The following ARHGAP5 variants were observed in gnomAD, a reference collection of about 807,000 sequenced individuals.
ARHGAP5 encodes the protein Rho GTPase activating protein 5.
Under a neutral mutation model 116.6 loss-of-function variants are expected in ARHGAP5, and 23 were observed. The observed-to-expected ratio is 0.20, with a 90% CI of 0.14 to 0.28. ARHGAP5 has a LOEUF of 0.28. Ranked by LOEUF, ARHGAP5 falls within the 10% of genes least tolerant of loss-of-function variation. The pLI is 1.00. For synonymous variants in ARHGAP5, 574 were observed against 602.0 expected (o/e 0.95, Z 0.68); for missense variants, 1,405 against 1,774.8 (o/e 0.79, Z 3.74).
chr14:32,100,558 G>C (rs1443589143), intron 2 of ARHGAP5, among the ~76,000 whole-genome samples: 1 of 152,084 alleles, frequency 6.6e-6, no homozygotes, highest in Non-Finnish European at 1.5e-5. Flanking sequence ...CACTGTTTTA[G>C]GTTATTATAA....
At chr14:32,105,981 A>G (rs1029551986) in intron 2 of ARHGAP5, among the ~76,000 whole-genome samples, 24 of 152,222 alleles carry the variant, frequency 1.6e-4, no homozygotes, top group Admixed American at 1.4e-3. Flanking sequence ...ATAATATTCC[A>G]TAATATGGAT....
intron 3 of ARHGAP5, among the ~76,000 whole-genome samples, chr14:32,139,176 G>A (rs1164215284): frequency 6.6e-6 from 1 of 152,010 alleles, no homozygotes; most frequent in Non-Finnish European, 1.5e-5. Context: ...AGGGATATTG[G>A]CCTATAGTTT....
intron 2 of ARHGAP5, among the ~76,000 whole-genome samples, chr14:32,097,598 T>C (rs1321773881): frequency 6.6e-6 from 1 of 152,224 alleles, no homozygotes; most frequent in Admixed American, 6.5e-5. Context: ...TATTCAGTGT[T>C]ATATGGAGAT....
At chr14:32,111,281 ACAGT>A (rs1175579209) in intron 2 of ARHGAP5, among the ~76,000 whole-genome samples, 3 of 152,310 alleles carry the variant, frequency 2.0e-5, no homozygotes, top group Middle Eastern at 6.8e-3. Context: ...GCAGCAAAAG[ACAGT>A]CAGAGACTGA....
intron 3 of ARHGAP5, among the ~76,000 whole-genome samples, chr14:32,132,345 G>A (rs1880548647): frequency 6.6e-6 from 1 of 152,184 alleles, no homozygotes; most frequent in African/African-American, 2.4e-5. Flanking sequence ...GTGATAGTGA[G>A]CATTTTTACA....
chr14:32,098,488 C>T (rs982359927), intron 2 of ARHGAP5, among the ~76,000 whole-genome samples: 2 of 152,142 alleles, frequency 1.3e-5, no homozygotes, highest in Admixed American at 6.5e-5. Context: ...ATATTTAATG[C>T]TGAATACATA....
chr14:32,116,984 C>A (rs948855038), intron 2 of ARHGAP5, among the ~76,000 whole-genome samples, 156 bp from the exon 3 acceptor site: 1 of 152,074 alleles, frequency 6.6e-6, no homozygotes, highest in African/African-American at 2.4e-5. Flanking sequence ...GTTGCTACTT[C>A]TGGCAAAATT....
In ARHGAP5 at chr14:32,091,915, A is replaced by G. The variant is rs757435488; in HGVS notation, c.1246A>G (p.Asn416Asp). 2 of 1,613,592 alleles carry G rather than the reference A, an allele frequency of 1.2e-6. No individual in the cohort carries two copies. Among genetic ancestry groups the G allele is most frequent in the African/African-American group, 1.3e-5 (1 of 74,910 alleles). ...TTTAGAAGCTGAAAAAGTCTATCAG[A>G]ACCATGTACAGCATCTGATATCCGA... ...STLEAEKVYQ[N>D]HVQHLISEKR... is the part of the protein sequence containing the mutation. The change falls in exon 2 of 7, where the codon AAC (asparagine) becomes GAC (aspartate). Residue 416 changes from asparagine to aspartate, a missense_variant. Asn to Asp is a conservative substitution (Grantham distance 23). Transcript: ENST00000345122.
rs1016928455 is a variant in ARHGAP5 at position 32,111,886 on chromosome 14, G to C, written c.3718-5254G>C. ...TTGACAGAGTCTCGCTCTGTTACTAGGCTGGAGTGCAGTGGCACGATCTCA... is the reference window on the plus strand; with the variant it reads ...TTGACAGAGTCTCGCTCTGTTACTACGCTGGAGTGCAGTGGCACGATCTCA... On this transcript the variant is annotated intron_variant, in intron 2 of 6. Coordinates refer to ENST00000345122, the MANE Select transcript of ARHGAP5 (RefSeq NM_001030055.2). Among the ~76,000 whole-genome samples, 7 of 134,734 alleles carry C rather than the reference G, an allele frequency of 5.2e-5. No individual in the cohort carries two copies. The Admixed American group carries it at 5.5e-4, about 11-fold the overall frequency. The allele number at this position is 134,734 out of a possible 152,430, so 88.4% of individuals were successfully genotyped here.
Position 32,154,861 on chromosome 14 carries a change from A to G in ARHGAP5, c.4422A>G (p.Glu1474=). The G allele has an allele frequency of 6.2e-7, 1 of 1,614,116 alleles. No homozygotes were observed. The highest frequency in any genetic ancestry group is 1.1e-5 in the South Asian group (1 of 91,082). ...PPPSNPGQLV[E]PMVPLQLPPP... ...CTTCAAACCCAGGACAGTTGGTGGA[A>G]CCAATGGTGCCACTTCAGTTGCCGC... The change falls in exon 7 of 7, where the codon GAA becomes GAG. Residue 1474 remains glutamate, a synonymous_variant. Transcript: ENST00000345122.
At chr14:32,121,769 C>A (rs1388466754) in intron 3 of ARHGAP5, among the ~76,000 whole-genome samples, 1 of 152,184 alleles carries the variant, frequency 6.6e-6, no homozygotes, top group African/African-American at 2.4e-5. Flanking sequence ...CACTCTCACC[C>A]CCCCATCAAC....
rs771660350 is a variant in ARHGAP5, at chr14:32,153,406, C to CAAAAAAAAAA, written c.4181+909_4181+918dup. On this transcript the variant is annotated intron_variant, in intron 6 of 6. Transcript: ENST00000345122. ...TGGCCAACAGAGCAAGACTCTGTCT[C>CAAAAAAAAAA]AAAAAAAAAAAAAAAAAAAAAAAAA... Among the ~76,000 whole-genome samples, 9 of 15,158 alleles carry CAAAAAAAAAA rather than the reference C, an allele frequency of 5.9e-4. 1 individual carries two copies. The highest frequency in any genetic ancestry group is 1.1e-3 in the Non-Finnish European group (8 of 6,960). The allele number at this position is 15,158 out of a possible 152,430, so 9.9% of individuals were successfully genotyped here. A position where few individuals can be genotyped will look rare whatever the true frequency, so the allele number is the denominator to read the frequency against.
Position 32,091,673 on chromosome 14 carries a change from G to C in ARHGAP5, c.1004G>C (p.Arg335Thr). The change falls in exon 2 of 7, where the codon AGA (arginine) becomes ACA (threonine). Residue 335 changes from arginine to threonine, a missense_variant. Arg to Thr is a moderately conservative substitution (Grantham distance 71). This residue lies in a region of ARHGAP5 where 944 missense variants were observed against 1,095.3 expected (regional missense o/e 0.86). Transcript: ENST00000345122. The stretch of plus-strand genomic sequence containing the variant: ...AAACAGGAACATATAAGAAAAAGGA[G>C]AGAAGAGTATATAAATACTTTACCA... The part of the protein sequence containing the change: ...QLKQEHIRKR[R>T]EEYINTLPRA... 6.2e-7 allele frequency: 1 copy of C among 1,609,372 alleles called. No individual in the cohort carries two copies.
intron 1 of ARHGAP5, among the ~76,000 whole-genome samples, chr14:32,085,274 CCT>C (rs1395714478): frequency 6.6e-6 from 1 of 151,788 alleles, no homozygotes; most frequent in East Asian, 1.9e-4. Context: ...AAGGAGAACC[CCT>C]CTCTACAAAA....
chr14:32,146,723 G>GT (rs1380757444), intron 4 of ARHGAP5, among the ~76,000 whole-genome samples: 1 of 152,168 alleles, frequency 6.6e-6, no homozygotes, highest in Non-Finnish European at 1.5e-5. Flanking sequence ...AATTTTTAAT[G>GT]TAAGTATGAA....
At position 32,094,346 on chromosome 14, in the gene ARHGAP5, A is replaced by G; in HGVS notation, c.3677A>G (p.Lys1226Arg). Residue 1226 changes from lysine to arginine, a missense_variant, in exon 2 of 7, where the codon AAG (lysine) becomes AGG (arginine). Coordinates refer to ENST00000345122, the MANE Select transcript of ARHGAP5 (RefSeq NM_001030055.2). ...ITSDQELDDK[K>R]MKKKTHKVKE... Reference sequence around the variant, plus strand: ...TCTGACCAGGAGTTAGATGATAAGAAGATGAAGAAGAAAACCCACAAAGTG... The same window carrying G: ...TCTGACCAGGAGTTAGATGATAAGAGGATGAAGAAGAAAACCCACAAAGTG... 6.3e-7 allele frequency: 1 copy of G among 1,588,034 alleles called. No individual in the cohort carries two copies. The highest frequency in any genetic ancestry group is 8.5e-7 in the Non-Finnish European group (1 of 1,173,048).
chr14:32,126,185 TTTA>T (rs1419336792), intron 3 of ARHGAP5, among the ~76,000 whole-genome samples: 1 of 152,076 alleles, frequency 6.6e-6, no homozygotes, highest in Non-Finnish European at 1.5e-5. Flanking sequence ...AGGGGAAGCT[TTTA>T]TTATTTCATC....
In ARHGAP5 at chr14:32,092,915, C is replaced by T; in HGVS notation, c.2246C>T (p.Ala749Val). Residue 749 changes from alanine to valine, a missense_variant, in exon 2 of 7, where the codon GCT (alanine) becomes GTT (valine). Transcript: ENST00000345122. The surrounding 1 kb of genome is among the most constrained non-coding windows in gnomAD (Gnocchi z 4.1). ...RKFNETQIKQ[A>V]LRGVLESVKH... ...TTTAATGAAACCCAAATAAAGCAAGCTCTCAGAGGAGTATTGGAATCAGTT... is the reference window on the plus strand; with the variant it reads ...TTTAATGAAACCCAAATAAAGCAAGTTCTCAGAGGAGTATTGGAATCAGTT... 1.2e-6 allele frequency: 2 copies of T among 1,614,004 alleles called. No homozygotes were observed. The highest frequency in any genetic ancestry group is 1.7e-6 in the Non-Finnish European group (2 of 1,179,912).
chr14:32,120,923 G>A (rs374187624), intron 3 of ARHGAP5, among the ~76,000 whole-genome samples: 55 of 150,992 alleles, frequency 3.6e-4, no homozygotes, highest in African/African-American at 1.3e-3. Context: ...AATCATGATT[G>A]TAGATTGTGT....
Sources: gnomAD v4.1 joint callset for allele counts (sites outside exome capture counted in the v4.1 genomes callset) on GRCh38, gnomAD v4.1.1 for gene constraint, gnomAD v4.1.1 regional missense constraint, Gnocchi (gnomAD v3.1) non-coding constraint, MANE v1.5 for transcripts, NCBI Gene and HGNC (gene_info 2026-07-23, HGNC 2026-07-21) for gene names.